The following C2orf66 variants were observed in gnomAD, a reference collection of about 807,000 sequenced individuals.
C2orf66 encodes the protein chromosome 2 open reading frame 66.
A neutral mutation model predicts 7.0 loss-of-function variants in C2orf66; 6 were observed. That is an observed-to-expected ratio of 0.86 (90% CI 0.47 to 1.69). C2orf66 has a LOEUF of 1.69. C2orf66 is among the 40% of genes most tolerant of loss of function. The pLI is 0.01. For missense variants in C2orf66, 107 were observed against 112.0 expected, an observed-to-expected ratio of 0.96 and a Z score of 0.20; for synonymous variants, 38 against 43.8, an observed-to-expected ratio of 0.87 and a Z score of 0.52.
Position 196,807,526 on chromosome 2 carries a change from A to T in C2orf66, c.220T>A (p.Ser74Thr). The change falls in exon 2 of 3, where the codon TCT becomes ACT. Residue 74 changes from serine to threonine, a missense_variant. Physicochemically the swap from Ser to Thr is moderately conservative, Grantham distance 58. Coordinates refer to ENST00000342506, the MANE Select transcript of C2orf66 (RefSeq NM_213608.3). ...FPTNENPRPL[S>T]FQSELTASAS... ...GAAGCAGTAAGTTCTGACTGGAAAG[A>T]GAGAGGTCTAGGATTTTCATTCGTG... 3 of 1,613,660 alleles carry T rather than the reference A, an allele frequency of 1.9e-6. No individual in the cohort carries two copies. The highest frequency in any genetic ancestry group is 2.5e-6 in the Non-Finnish European group (3 of 1,179,606).
At chr2:196,828,363 T>C in the C2orf66 span, among the ~76,000 whole-genome samples, 3 of 152,064 alleles carry the variant, frequency 2.0e-5, no homozygotes, top group Non-Finnish European at 4.4e-5. Flanking sequence ...CTGAAACATT[T>C]TATGTTTAAT....
chr2:196,810,040 T>C (rs1699860086), upstream of C2orf66: 1 of 152,202 alleles, frequency 6.6e-6, no homozygotes, highest in Non-Finnish European at 1.5e-5. Flanking sequence ...AGTTAAAAAA[T>C]AATGATTCCT....
At chr2:196,825,860 G>T in the C2orf66 span, among the ~76,000 whole-genome samples, 2 of 152,170 alleles carry the variant, frequency 1.3e-5, no homozygotes, top group African/African-American at 4.8e-5. Flanking sequence ...AGAGAACAGG[G>T]AGAATTCTAC....
the C2orf66 span, among the ~76,000 whole-genome samples, chr2:196,818,876 G>T: frequency 6.6e-6 from 1 of 152,222 alleles, no homozygotes; most frequent in Non-Finnish European, 1.5e-5. Flanking sequence ...GGGCAGACAA[G>T]GTCTCACAGC....
the C2orf66 span, among the ~76,000 whole-genome samples, chr2:196,819,969 T>G: frequency 6.6e-6 from 1 of 152,158 alleles, no homozygotes; most frequent in Non-Finnish European, 1.5e-5. Flanking sequence ...CACAAACCAA[T>G]AGAGACTGGG....
the C2orf66 span, among the ~76,000 whole-genome samples, chr2:196,819,273 C>A: frequency 6.6e-6 from 1 of 151,984 alleles, no homozygotes; most frequent in African/African-American, 2.4e-5. Context: ...AAAACCTAAC[C>A]CTAAATGTGA....
At chr2:196,810,006 G>A (rs769491270), upstream of C2orf66, 2 of 152,196 alleles carry the variant, frequency 1.3e-5, no homozygotes, top group East Asian at 1.9e-4. Context: ...GGGTGCCAGT[G>A]GAAGTCACTG....
chr2:196,829,829 G>A, the C2orf66 span, among the ~76,000 whole-genome samples: 10 of 151,302 alleles, frequency 6.6e-5, no homozygotes, highest in Admixed American at 3.9e-4. Context: ...CCCGGGAAGC[G>A]GAGCTTTCAG....
At chr2:196,812,995 G>A (rs564390944), upstream of C2orf66, among the ~76,000 whole-genome samples, 2 of 152,168 alleles carry the variant, frequency 1.3e-5, no homozygotes, top group East Asian at 3.9e-4. Flanking sequence ...AGTGAAAATG[G>A]CCATACTGCC....
At chr2:196,823,018 TAA>T in the C2orf66 span, among the ~76,000 whole-genome samples, 24 of 137,780 alleles carry the variant, frequency 1.7e-4, no homozygotes, top group Admixed American at 3.7e-4. Flanking sequence ...AACTTCTTGT[TAA>T]AAAAAAAAAA....
upstream of C2orf66, among the ~76,000 whole-genome samples, chr2:196,810,675 G>C (rs1347463783): frequency 6.6e-6 from 1 of 152,164 alleles, no homozygotes; most frequent in Non-Finnish European, 1.5e-5. Flanking sequence ...ATCTCGACTG[G>C]AAATTAGCAA....
At chr2:196,814,532 T>A in the C2orf66 span, among the ~76,000 whole-genome samples, 5 of 152,024 alleles carry the variant, frequency 3.3e-5, no homozygotes, top group African/African-American at 1.2e-4. Flanking sequence ...ATAACAAACC[T>A]GCATGTTCTG....
At chr2:196,814,372 T>G in the C2orf66 span, among the ~76,000 whole-genome samples, 2 of 151,584 alleles carry the variant, frequency 1.3e-5, no homozygotes, top group Non-Finnish European at 2.9e-5. Flanking sequence ...AGTTGAACAA[T>G]GAGAACACAT....
the C2orf66 span, among the ~76,000 whole-genome samples, chr2:196,817,574 C>A: frequency 1.6e-3 from 239 of 151,014 alleles, 1 homozygote; most frequent in African/African-American, 5.5e-3. Context: ...CAACAGAAAA[C>A]AGGGTTTGAG....
chr2:196,820,095 C>T, the C2orf66 span, among the ~76,000 whole-genome samples: 1 of 152,120 alleles, frequency 6.6e-6, no homozygotes, highest in African/African-American at 2.4e-5. Context: ...TGGGGAAGCC[C>T]AGTCAATAAG....
the C2orf66 span, among the ~76,000 whole-genome samples, chr2:196,819,427 C>G: frequency 1.3e-5 from 2 of 152,186 alleles, no homozygotes; most frequent in Non-Finnish European, 2.9e-5. Flanking sequence ...GAGAAGATGA[C>G]AGTCTGCAAT....
intron 2 of C2orf66, among the ~76,000 whole-genome samples, chr2:196,806,492 C>T (rs577738355): frequency 9.9e-5 from 15 of 151,836 alleles, no homozygotes; most frequent in East Asian, 2.0e-4. Context: ...CCACTGCGCC[C>T]GGCCAATCAT....
upstream of C2orf66, among the ~76,000 whole-genome samples, chr2:196,811,212 G>A (rs190070589): frequency 6.6e-6 from 1 of 152,284 alleles, no homozygotes; most frequent in East Asian, 1.9e-4. Flanking sequence ...GGGCCGGAGA[G>A]GTAGTCAGAT....
chr2:196,807,212 T>C (rs538313357), intron 2 of C2orf66, among the ~76,000 whole-genome samples: 1 of 152,308 alleles, frequency 6.6e-6, no homozygotes, highest in East Asian at 1.9e-4. Context: ...ATAACTATGC[T>C]TAAAAAATAA....
Sources: gnomAD v4.1 joint callset for allele counts (sites outside exome capture counted in the v4.1 genomes callset) on GRCh38, gnomAD v4.1.1 for gene constraint, MANE v1.5 for transcripts, NCBI Gene and HGNC (gene_info 2026-07-23, HGNC 2026-07-21) for gene names.